EPHB1: variants seen among roughly 807,000 people sequenced by gnomAD.
EPHB1 encodes the protein EPH receptor B1.
In EPHB1, 30 loss-of-function variants were observed where a neutral mutation model predicts 94.4. The observed-to-expected ratio is 0.32, with a 90% CI of 0.24 to 0.43. EPHB1 has a LOEUF of 0.43. Among genes scored for constraint, EPHB1 ranks in the 20% least tolerant of loss-of-function variants. The pLI is 1.00. For missense variants in EPHB1, 1,055 were observed against 1,308.3 expected (o/e 0.81, Z 2.99); for synonymous variants, 522 against 489.1 (o/e 1.07, Z -0.89).
intron 3 of EPHB1, among the ~76,000 whole-genome samples, chr3:135,006,617 C>G (rs923253882): frequency 6.6e-6 from 1 of 152,132 alleles, no homozygotes; most frequent in Non-Finnish European, 1.5e-5. Flanking sequence ...ATTGCTTAAC[C>G]CCAAAAGTTC....
chr3:135,091,825 G>T (rs1321074820), intron 3 of EPHB1, among the ~76,000 whole-genome samples: 31 of 152,158 alleles, frequency 2.0e-4, no homozygotes, highest in Non-Finnish European at 1.5e-5. Context: ...TGACCACTCA[G>T]CAGACCTGGC....
At chr3:135,170,299 C>T (rs1319605650) in intron 9 of EPHB1, among the ~76,000 whole-genome samples, 1 of 152,150 alleles carries the variant, frequency 6.6e-6, no homozygotes, top group Non-Finnish European at 1.5e-5. Flanking sequence ...TGAGACGTGG[C>T]AGATCTAGTA....
At chr3:134,825,151 CCTGGCATGTGA>C (rs1342433043) in intron 1 of EPHB1, among the ~76,000 whole-genome samples, 2 of 152,200 alleles carry the variant, frequency 1.3e-5, no homozygotes, top group African/African-American at 2.4e-5. Flanking sequence ...TGGTCACAGT[CCTGGCATGTGA>C]CTGAAGACCT....
chr3:134,986,961 C>G (rs1242052543), intron 3 of EPHB1, among the ~76,000 whole-genome samples: 1 of 152,184 alleles, frequency 6.6e-6, no homozygotes, highest in African/African-American at 2.4e-5. Flanking sequence ...CTTCTCACCT[C>G]TGTCAGATCT....
chr3:134,909,115 C>CG lies in EPHB1; in HGVS notation c.59-16695dup, dbSNP rs1250648426. ...GAGAACAGTACACACAAGGTGGGGG[C>CG]GGGGGGCGGGCTGGAAGAAAAGCTG... is the stretch of plus-strand genomic sequence containing the variant. On this transcript the variant is annotated intron_variant, in intron 1 of 15. Coordinates refer to ENST00000398015, the MANE Select transcript of EPHB1 (RefSeq NM_004441.5). Among the ~76,000 whole-genome samples, 2 of 92,784 alleles carry CG rather than the reference C, an allele frequency of 2.2e-5. 1 individual carries two copies. The highest frequency in any genetic ancestry group is 9.0e-5 in the African/African-American group (2 of 22,318). 60.9% of individuals were successfully genotyped at this position (92,784 alleles called of 152,430 possible).
At chr3:135,183,546 G>A (rs1356217987) in intron 10 of EPHB1, among the ~76,000 whole-genome samples, 1 of 152,236 alleles carries the variant, frequency 6.6e-6, no homozygotes, top group Admixed American at 6.5e-5. Flanking sequence ...CTGCCATGCA[G>A]GGGTTATTGT....
chr3:135,096,381 TAGAG>T (rs1938761755), intron 3 of EPHB1, among the ~76,000 whole-genome samples: 1 of 152,222 alleles, frequency 6.6e-6, no homozygotes, highest in Non-Finnish European at 1.5e-5. Flanking sequence ...GTCCTCAGAC[TAGAG>T]CTATACCAGA....
At chr3:135,136,474 G>GCTTTGT (rs1553740027) in intron 5 of EPHB1, among the ~76,000 whole-genome samples, 1 of 152,184 alleles carries the variant, frequency 6.6e-6, no homozygotes, top group East Asian at 1.9e-4. Context: ...CCTACCAAGT[G>GCTTTGT]TTTTGTTTTT....
intron 3 of EPHB1, among the ~76,000 whole-genome samples, chr3:135,014,908 T>C (rs1935741670): frequency 6.6e-6 from 1 of 152,226 alleles, no homozygotes; most frequent in African/African-American, 2.4e-5. Flanking sequence ...GGTTTTACTT[T>C]CCTTTCTTCT....
chr3:135,219,329 C>A (rs1215772146), intron 12 of EPHB1, among the ~76,000 whole-genome samples: 1 of 151,952 alleles, frequency 6.6e-6, no homozygotes, highest in Non-Finnish European at 1.5e-5. Flanking sequence ...TAGGCTTTTG[C>A]AGATGTAATC....
chr3:134,954,843 G>A (rs1432962756), intron 3 of EPHB1, among the ~76,000 whole-genome samples: 3 of 152,096 alleles, frequency 2.0e-5, no homozygotes, highest in African/African-American at 4.8e-5. Context: ...GTGACCAGTC[G>A]CTTGGCTGTG....
intron 1 of EPHB1, among the ~76,000 whole-genome samples, chr3:134,920,561 GTTGTATT>G (rs1194199496): frequency 2.6e-5 from 4 of 152,152 alleles, no homozygotes; most frequent in African/African-American, 9.7e-5. Context: ...GTTAGTATAT[GTTGTATT>G]TTGTTACCAT....
At chr3:134,972,390 A>G (rs942190571) in intron 3 of EPHB1, among the ~76,000 whole-genome samples, 4 of 146,522 alleles carry the variant, frequency 2.7e-5, no homozygotes, top group Non-Finnish European at 4.5e-5. Context: ...ATATATAAAT[A>G]TATAAGTATA....
At chr3:135,201,843 G>A (rs1027895782) in intron 12 of EPHB1, among the ~76,000 whole-genome samples, 154 bp downstream of exon 12, 1 of 152,158 alleles carries the variant, frequency 6.6e-6, no homozygotes, top group Admixed American at 6.5e-5. Flanking sequence ...CCATCCAGCT[G>A]GGAGAAGCCA....
chr3:135,181,282 G>A (rs1315099250), intron 10 of EPHB1, among the ~76,000 whole-genome samples: 1 of 152,176 alleles, frequency 6.6e-6, no homozygotes, highest in African/African-American at 2.4e-5. Flanking sequence ...CAACCCCTCA[G>A]GAGTTTCAGC....
At chr3:134,921,986 C>G (rs1377375499) in intron 1 of EPHB1, among the ~76,000 whole-genome samples, 2 of 152,194 alleles carry the variant, frequency 1.3e-5, no homozygotes, top group African/African-American at 2.4e-5. Flanking sequence ...CCCACACCAG[C>G]ACTCTCTCCA....
intron 3 of EPHB1, among the ~76,000 whole-genome samples, chr3:135,018,032 G>T (rs1454158606): frequency 6.6e-6 from 1 of 152,156 alleles, no homozygotes; most frequent in Non-Finnish European, 1.5e-5. Context: ...TCCAGGGAGG[G>T]CAGAGGAGGT....
At chr3:134,903,629 C>G (rs2038252398) in intron 1 of EPHB1, among the ~76,000 whole-genome samples, 1 of 152,124 alleles carries the variant, frequency 6.6e-6, no homozygotes, top group South Asian at 2.1e-4. Flanking sequence ...TCCCTTCCAC[C>G]CAGCCTGGAC....
chr3:134,828,102 T>C (rs534918732), intron 1 of EPHB1, among the ~76,000 whole-genome samples: 3 of 152,234 alleles, frequency 2.0e-5, no homozygotes, highest in Non-Finnish European at 4.4e-5. Flanking sequence ...TTCTGTGCTA[T>C]GGACTCCTGC....
Sources: gnomAD v4.1 joint callset for allele counts (sites outside exome capture counted in the v4.1 genomes callset) on GRCh38, gnomAD v4.1.1 for gene constraint, MANE v1.5 for transcripts, NCBI Gene and HGNC (gene_info 2026-07-23, HGNC 2026-07-21) for gene names.